The following CPED1 variants were observed in gnomAD, a reference collection of about 807,000 sequenced individuals.
CPED1 encodes the protein cadherin like and PC-esterase domain containing 1.
In CPED1, 114 loss-of-function variants were observed where a neutral mutation model predicts 128.2. The observed-to-expected ratio is 0.89, with a 90% CI of 0.76 to 1.04. CPED1 has a LOEUF of 1.04. Ranked by LOEUF, CPED1 falls within the 50% of genes least tolerant of loss-of-function variation. CPED1 has a pLI of 0.00. For missense variants in CPED1, 1,211 were observed against 1,207.1 expected, an observed-to-expected ratio of 1.00 and a Z score of -0.05; for synonymous variants, 462 against 426.7, an observed-to-expected ratio of 1.08 and a Z score of -1.02.
At chr7:121,270,600 A>G (rs1792210988) in intron 21 of CPED1, among the ~76,000 whole-genome samples, 1 of 152,120 alleles carries the variant, frequency 6.6e-6, no homozygotes, top group Non-Finnish European at 1.5e-5. Context: ...TATTTTGAAT[A>G]TAGAGAGCCA....
At chr7:121,247,685 C>A (rs998688718) in intron 18 of CPED1, among the ~76,000 whole-genome samples, 4 of 152,068 alleles carry the variant, frequency 2.6e-5, no homozygotes, top group African/African-American at 9.7e-5. Context: ...CCCAACATAC[C>A]CCACGGACAT....
At chr7:121,148,086 A>G (rs994892316) in intron 16 of CPED1, among the ~76,000 whole-genome samples, 1 of 152,192 alleles carries the variant, frequency 6.6e-6, no homozygotes, top group Non-Finnish European at 1.5e-5. Flanking sequence ...ATAAAAACCT[A>G]TTAGTTTTCA....
chr7:121,151,191 A>G (rs1332634673), intron 16 of CPED1, among the ~76,000 whole-genome samples: 1 of 152,176 alleles, frequency 6.6e-6, no homozygotes, highest in Non-Finnish European at 1.5e-5. Context: ...TGTGCCCCTT[A>G]GAATATCTGA....
At position 121,133,676 on chromosome 7, in the gene CPED1, G is replaced by T. The variant is rs567738204; in HGVS notation, c.1578-147G>T. The T allele has an allele frequency of 4.1e-4, 231 of 559,950 alleles. 1 individual carries two copies. The African/African-American group carries it at 4.2e-3, about 10-fold the overall frequency. The allele number at this position is 559,950 out of a possible 1,614,324, so 34.7% of individuals were successfully genotyped here. On this transcript the variant is annotated intron_variant, in intron 12 of 22. Coordinates refer to ENST00000310396, the MANE Select transcript of CPED1 (RefSeq NM_024913.5). ...TACTTCCTTTGAGGGTAGATTGCCA[G>T]TTTTGAGGATTGAAATGCAGAAAGC...
chr7:120,995,963 CCTCCTCCTTCTTCTT>C (rs1362806263), intron 2 of CPED1, among the ~76,000 whole-genome samples: 5 of 126,698 alleles, frequency 3.9e-5, no homozygotes, highest in Non-Finnish European at 6.3e-5. Context: ...TCCTCCTCCT[CCTCCTCCTTCTTCTT>C]CTTCTTCTTC....
chr7:121,227,493 A>G (rs916960238), intron 16 of CPED1, among the ~76,000 whole-genome samples: 5 of 152,106 alleles, frequency 3.3e-5, no homozygotes, highest in African/African-American at 1.2e-4. Flanking sequence ...ACCAACTTTC[A>G]ACTGCAATTT....
chr7:121,130,871 C>T (rs749975375), intron 12 of CPED1, among the ~76,000 whole-genome samples: 28 of 151,982 alleles, frequency 1.8e-4, no homozygotes, highest in Non-Finnish European at 3.7e-4. Context: ...CCTTCACTTC[C>T]ATTCTAATGA....
chr7:121,061,199 T>C (rs941366390), intron 4 of CPED1: 1 of 958,410 alleles, frequency 1.0e-6, no homozygotes, highest in Non-Finnish European at 1.2e-6. Flanking sequence ...ATTAGGATTG[T>C]GAAAGGTATA....
intron 18 of CPED1, among the ~76,000 whole-genome samples, chr7:121,265,692 T>C (rs1271841089): frequency 6.6e-6 from 1 of 151,966 alleles, no homozygotes; most frequent in African/African-American, 2.4e-5. Flanking sequence ...GGGATGTGGG[T>C]AAGAGGCTTC....
chr7:121,064,338 G>C (rs1176001744), intron 5 of CPED1, 25 bp downstream of exon 5: 1 of 1,532,800 alleles, frequency 6.5e-7, no homozygotes, highest in Non-Finnish European at 9.0e-7. Flanking sequence ...GCTTCCTTAG[G>C]CTTAAACATG....
chr7:121,131,693 G>T (rs561039881), intron 12 of CPED1, among the ~76,000 whole-genome samples: 2 of 151,994 alleles, frequency 1.3e-5, no homozygotes, highest in South Asian at 4.1e-4. Context: ...TGGAAAGGGT[G>T]AGGACTTTTT....
chr7:121,140,153 G>C (rs1243225228), intron 14 of CPED1, among the ~76,000 whole-genome samples: 1 of 151,922 alleles, frequency 6.6e-6, no homozygotes, highest in Non-Finnish European at 1.5e-5. Flanking sequence ...CAAAGAGAAA[G>C]GTTTTTTTAA....
rs1333796138 is a variant in CPED1, at chr7:121,093,969, A to G, written c.617-3730A>G. On this transcript the variant is annotated intron_variant, in intron 5 of 22. Transcript: ENST00000310396. ...TGTCTTCTGGGGCCCTGACTGATAGAGTGATTTCCTGGCTGTGACTTCAGT... is the reference window on the plus strand; with the variant it reads ...TGTCTTCTGGGGCCCTGACTGATAGGGTGATTTCCTGGCTGTGACTTCAGT... Among the ~76,000 whole-genome samples the G allele has an allele frequency of 2.6e-5, 4 of 152,106 alleles. No individual in the cohort carries two copies. The South Asian group carries it at 6.2e-4, about 24-fold the overall frequency.
intron 5 of CPED1, among the ~76,000 whole-genome samples, chr7:121,081,403 C>T (rs1160552064): frequency 6.6e-6 from 1 of 152,140 alleles, no homozygotes; most frequent in Non-Finnish European, 1.5e-5. Flanking sequence ...GGGTGTGCTC[C>T]TTTCTGGGAG....
chr7:121,225,912 A>T (rs1486508174), intron 16 of CPED1, among the ~76,000 whole-genome samples: 1 of 151,918 alleles, frequency 6.6e-6, no homozygotes, highest in African/African-American at 2.4e-5. Context: ...CTTCCTTGTG[A>T]TGGGTTTGAA....
intron 2 of CPED1, 78 bp from the exon 3 acceptor site, chr7:121,015,587 C>A: frequency 7.6e-7 from 1 of 1,309,476 alleles, no homozygotes; most frequent in Non-Finnish European, 1.0e-6. Context: ...CCAAATAGCC[C>A]TTGATTTGCA....
intron 5 of CPED1, among the ~76,000 whole-genome samples, chr7:121,077,281 C>T (rs1794153488): frequency 6.6e-6 from 1 of 152,116 alleles, no homozygotes; most frequent in African/African-American, 2.4e-5. Flanking sequence ...TCTAGCCATC[C>T]ATGAGAAGGA....
At chr7:121,164,940 G>A (rs1202594703) in intron 16 of CPED1, among the ~76,000 whole-genome samples, 2 of 152,120 alleles carry the variant, frequency 1.3e-5, no homozygotes, top group Non-Finnish European at 2.9e-5. Flanking sequence ...TGACATAAAT[G>A]TGTCTTCATT....
At chr7:121,284,202 A>G (rs2952558) in intron 22 of CPED1, among the ~76,000 whole-genome samples, 1,790 of 152,276 alleles carry the variant, frequency 0.012, 24 homozygotes, top group African/African-American at 0.028. Context: ...TTATAAAACC[A>G]TCAGATCTTG....
Sources: gnomAD v4.1 joint callset for allele counts (sites outside exome capture counted in the v4.1 genomes callset) on GRCh38, gnomAD v4.1.1 for gene constraint, MANE v1.5 for transcripts, NCBI Gene and HGNC (gene_info 2026-07-23, HGNC 2026-07-21) for gene names.